Variants in BTF3L4 observed in about 807,000 individuals in gnomAD.
BTF3L4 encodes the protein basic transcription factor 3 like 4, also known as transcription factor BTF3 homolog 4.
In BTF3L4, 6 loss-of-function variants were observed where a neutral mutation model predicts 16.8. That is an observed-to-expected ratio of 0.36 (90% CI 0.20 to 0.71). BTF3L4 has a LOEUF of 0.71. Among genes scored for constraint, BTF3L4 ranks in the 30% least tolerant of loss-of-function variants. The probability of loss-of-function intolerance (pLI) is 0.58; values close to 1 mark genes in which losing one functional copy is unlikely to be tolerated. For missense variants in BTF3L4, 92 were observed against 186.9 expected (o/e 0.49, Z 2.96); for synonymous variants, 39 against 59.8 (o/e 0.65, Z 1.60).
chr1:52,056,551 G>A (rs1454571558), intron 1 of BTF3L4, among the ~76,000 whole-genome samples, 172 bp downstream of exon 1: 1 of 152,250 alleles, frequency 6.6e-6, no homozygotes, highest in Non-Finnish European at 1.5e-5. Context: ...CGGCGCAGCT[G>A]GGGGTCGGCA....
At chr1:52,064,468 A>G (rs902200913) in intron 2 of BTF3L4, among the ~76,000 whole-genome samples, 8 of 152,214 alleles carry the variant, frequency 5.3e-5, no homozygotes, top group Admixed American at 4.6e-4. Flanking sequence ...GGTAGTTACT[A>G]TAAGAAAAGA....
At chr1:52,074,233 C>G (rs1195180387) in intron 3 of BTF3L4, among the ~76,000 whole-genome samples, 1 of 151,820 alleles carries the variant, frequency 6.6e-6, no homozygotes, top group Non-Finnish European at 1.5e-5. Flanking sequence ...GAGTCTCACT[C>G]TATGCCCAGG....
rs1383215070 is a variant in BTF3L4 at position 52,087,534 on chromosome 1, A to G, written c.*776A>G. The G allele has an allele frequency of 1.3e-5, 2 of 152,132 alleles. No individual in the cohort carries two copies. The highest frequency in any genetic ancestry group is 2.9e-5 in the Non-Finnish European group (2 of 68,040). 9.4% of individuals were successfully genotyped at this position (152,132 alleles called of 1,614,324 possible). ...CTAGCTTGAGAAGGATGTTCTCCAT[A>G]TAGAGTTTAGCGAGTGCCTAATCCC... On this transcript the variant is annotated 3_prime_UTR_variant, in exon 6 of 6. Transcript: ENST00000313334.
In BTF3L4 at chr1:52,090,442, C is replaced by T. The variant is rs1423021344; in HGVS notation, c.*3684C>T. ...CAGTTCAGCCTGTATTGCTATGCCACATAGAGTTTGCCTGAATTATTATAG... is the reference window on the plus strand; with the variant it reads ...CAGTTCAGCCTGTATTGCTATGCCATATAGAGTTTGCCTGAATTATTATAG... On this transcript the variant is annotated 3_prime_UTR_variant, in exon 6 of 6. Coordinates refer to ENST00000313334, the MANE Select transcript of BTF3L4 (RefSeq NM_152265.5). 2 of 152,210 alleles carry T rather than the reference C, an allele frequency of 1.3e-5. No homozygotes were observed. 9.4% of individuals were successfully genotyped at this position (152,210 alleles called of 1,614,324 possible). A position where few individuals can be genotyped will look rare whatever the true frequency, so the allele number is the denominator to read the frequency against.
chr1:52,090,366 A>G lies in BTF3L4; in HGVS notation c.*3608A>G, dbSNP rs1482824300. On this transcript the variant is annotated 3_prime_UTR_variant, in exon 6 of 6. Transcript: ENST00000313334. ...TTTTCCGAAGCTCATGGTTCTAGGC[A>G]CAGAAAGTCTCCATTCTACACTGCA... 6.6e-6 allele frequency: 1 copy of G among 152,234 alleles called. No individual in the cohort carries two copies. The allele number at this position is 152,234 out of a possible 1,614,324, so 9.4% of individuals were successfully genotyped here. A position where few individuals can be genotyped will look rare whatever the true frequency, so the allele number is the denominator to read the frequency against.
chr1:52,082,223 A>G (rs973573624), intron 3 of BTF3L4, among the ~76,000 whole-genome samples: 2 of 152,276 alleles, frequency 1.3e-5, no homozygotes, highest in African/African-American at 4.8e-5. Flanking sequence ...AATCTTAAGT[A>G]GCACATGTTA....
chr1:52,058,570 C>T (rs1255703058), intron 1 of BTF3L4, among the ~76,000 whole-genome samples: 1 of 151,450 alleles, frequency 6.6e-6, no homozygotes, highest in Non-Finnish European at 1.5e-5. Flanking sequence ...ATTTGTTGAT[C>T]TGCAGAACAA....
chr1:52,059,074 G>A (rs999645381), intron 1 of BTF3L4, among the ~76,000 whole-genome samples: 3 of 149,544 alleles, frequency 2.0e-5, no homozygotes, highest in Admixed American at 1.3e-4. Flanking sequence ...TCTCCTCTCT[G>A]CCCCCCCCCA....
chr1:52,070,876 T>C (rs1686771926), intron 3 of BTF3L4, among the ~76,000 whole-genome samples: 1 of 152,056 alleles, frequency 6.6e-6, no homozygotes. Context: ...CCTCAGAAGT[T>C]CCACCTGCCT....
intron 2 of BTF3L4, among the ~76,000 whole-genome samples, chr1:52,062,773 C>T (rs954780350): frequency 4.6e-5 from 7 of 152,148 alleles, no homozygotes; most frequent in African/African-American, 1.2e-4. Context: ...GGCAGCAGTC[C>T]GCAATCTTTT....
rs1643985913 is a variant in BTF3L4 at position 52,087,813 on chromosome 1, C to G, written c.*1055C>G. 1 of 152,572 alleles carries G rather than the reference C, an allele frequency of 6.6e-6. No individual in the cohort carries two copies. Among genetic ancestry groups the G allele is most frequent in the African/African-American group, 2.4e-5 (1 of 41,422 alleles). 9.5% of individuals were successfully genotyped at this position (152,572 alleles called of 1,614,324 possible). A position where few individuals can be genotyped will look rare whatever the true frequency, so the allele number is the denominator to read the frequency against. On this transcript the variant is annotated 3_prime_UTR_variant, in exon 6 of 6. Coordinates refer to ENST00000313334, the MANE Select transcript of BTF3L4 (RefSeq NM_152265.5). ...GAAAATAGGCCATAGACTCATCTCC[C>G]AGCACAAATGGGCATTCTATGAAAT... is the stretch of plus-strand genomic sequence containing the variant.
rs1188803125 is a variant in BTF3L4 at position 52,089,225 on chromosome 1, G to C, written c.*2467G>C. 6.6e-6 allele frequency: 1 copy of C among 151,974 alleles called. No homozygotes were observed. Among genetic ancestry groups the C allele is most frequent in the African/African-American group, 2.4e-5 (1 of 41,370 alleles). The allele number at this position is 151,974 out of a possible 1,614,324, so 9.4% of individuals were successfully genotyped here. ...TTTGCTTCTTCCTCTTTCTCCTTTTGATCACATTTTAGCTACTTATCTAGA... is the reference window on the plus strand; with the variant it reads ...TTTGCTTCTTCCTCTTTCTCCTTTTCATCACATTTTAGCTACTTATCTAGA... On this transcript the variant is annotated 3_prime_UTR_variant, in exon 6 of 6. Transcript: ENST00000313334.
intron 2 of BTF3L4, among the ~76,000 whole-genome samples, chr1:52,064,094 T>A (rs1572021520): frequency 6.6e-6 from 1 of 152,196 alleles, no homozygotes; most frequent in East Asian, 1.9e-4. Context: ...CCTCTTCCGT[T>A]CCCATTATTC....
chr1:52,068,209 A>G (rs1449971063), intron 3 of BTF3L4, among the ~76,000 whole-genome samples: 1 of 152,220 alleles, frequency 6.6e-6, no homozygotes, highest in Non-Finnish European at 1.5e-5. Context: ...TCAGAATATA[A>G]TCAAACCTAT....
chr1:52,085,366 TG>T lies in BTF3L4; in HGVS notation c.371-745del, dbSNP rs546427997. Among the ~76,000 whole-genome samples the T allele has an allele frequency of 2.4e-3, 361 of 151,182 alleles. 1 individual carries two copies. Among genetic ancestry groups the T allele is most frequent in the African/African-American group, 8.6e-3 (353 of 41,110 alleles). The stretch of plus-strand genomic sequence containing the variant: ...TGTTGCTTGGTTTTTTTTGTTTGTT[TG>T]TTTTTTTGTTTTGTTTTTTTTTTGA... On this transcript the variant is annotated intron_variant, in intron 4 of 5. Transcript: ENST00000313334.
chr1:52,082,843 G>C (rs897632208), intron 3 of BTF3L4, among the ~76,000 whole-genome samples: 3 of 152,110 alleles, frequency 2.0e-5, no homozygotes, highest in African/African-American at 7.2e-5. Context: ...TTGAAGGAAT[G>C]AAACACCTGG....
intron 3 of BTF3L4, 47 bp downstream of exon 3, chr1:52,064,985 A>C: frequency 8.8e-7 from 1 of 1,142,030 alleles, no homozygotes; most frequent in Non-Finnish European, 1.3e-6. Context: ...ACATGCACAA[A>C]TAATTGTCTG....
rs1258587015 is a variant in BTF3L4 at position 52,088,148 on chromosome 1, C to T, written c.*1390C>T. On this transcript the variant is annotated 3_prime_UTR_variant, in exon 6 of 6. Coordinates refer to ENST00000313334, the MANE Select transcript of BTF3L4 (RefSeq NM_152265.5). ...TTTAGAAAATATATCATTTCCTGGC[C>T]CATCATCAAACTAATACAGCTTAAC... is the stretch of plus-strand genomic sequence containing the variant. 6.6e-6 allele frequency: 1 copy of T among 152,428 alleles called. No homozygotes were observed. The highest frequency in any genetic ancestry group is 1.5e-5 in the Non-Finnish European group (1 of 68,000). 9.4% of individuals were successfully genotyped at this position (152,428 alleles called of 1,614,324 possible).
At chr1:52,060,633 A>T (rs1349978831) in intron 2 of BTF3L4, 1 of 1,092,718 alleles carries the variant, frequency 9.2e-7, no homozygotes, top group Non-Finnish European at 1.1e-6. Context: ...TGAAAGAAAG[A>T]ATAGTACTTA....
Sources: gnomAD v4.1 joint callset for allele counts (sites outside exome capture counted in the v4.1 genomes callset) on GRCh38, gnomAD v4.1.1 for gene constraint, MANE v1.5 for transcripts, NCBI Gene and HGNC (gene_info 2026-07-23, HGNC 2026-07-21) for gene names.